The following COL5A2 variants were observed in gnomAD, a reference collection of about 807,000 sequenced individuals.
The protein encoded by COL5A2 is collagen alpha-2(V) chain.
A neutral mutation model predicts 208.2 loss-of-function variants in COL5A2; 23 were observed. The ratio of observed to expected loss-of-function variants is 0.11; its 90% CI spans 0.08 to 0.16. The LOEUF (loss-of-function observed/expected upper bound fraction) is 0.16, where lower values mean the gene tolerates loss of function less well. COL5A2 is among the 10% of genes least tolerant of loss of function. The pLI, the probability that COL5A2 is intolerant of heterozygous loss-of-function variation, is 1.00. For synonymous variants in COL5A2, 625 were observed against 628.5 expected, an observed-to-expected ratio of 0.99 and a Z score of 0.08; for missense variants, 1,590 against 1,956.4, an observed-to-expected ratio of 0.81 and a Z score of 3.53.
chr2:189,252,798 A>G, the COL5A2 span, among the ~76,000 whole-genome samples: 1 of 152,122 alleles, frequency 6.6e-6, no homozygotes, highest in Non-Finnish European at 1.5e-5. Context: ...TTTAAACATA[A>G]AAAATAAAAA....
chr2:189,152,313 C>T (rs559467616), intron 1 of COL5A2, among the ~76,000 whole-genome samples: 8 of 152,326 alleles, frequency 5.3e-5, no homozygotes, highest in Non-Finnish European at 7.3e-5. Context: ...AAGGTCAGCA[C>T]TCCATGCCTT....
Position 189,038,969 on chromosome 2 carries a change from G to A in COL5A2, c.3925+303C>T, listed in dbSNP as rs1374192785. On this transcript the variant is annotated intron_variant, in intron 51 of 53. Coordinates refer to ENST00000374866, the MANE Select transcript of COL5A2 (RefSeq NM_000393.5). ...CTCCCAAAGTGCTGGGATTACAGGC[G>A]TGAGACACCGCACCTGGCCTGTTTT... 1.9e-4 allele frequency among the ~76,000 whole-genome samples: 29 copies of A among 152,130 alleles called. 1 individual carries two copies. The highest frequency in any genetic ancestry group is 3.4e-3 in the Middle Eastern group (1 of 294).
intron 6 of COL5A2, among the ~76,000 whole-genome samples, chr2:189,093,488 G>A (rs1041729111): frequency 6.6e-5 from 10 of 152,132 alleles, no homozygotes; most frequent in African/African-American, 2.4e-4. Context: ...AAGCTCAGGT[G>A]GTGGAGGTGG....
At chr2:189,089,744 T>C (rs533951020) in intron 7 of COL5A2, among the ~76,000 whole-genome samples, 3 of 152,316 alleles carry the variant, frequency 2.0e-5, no homozygotes, top group African/African-American at 7.2e-5. Context: ...GTTCTTATTA[T>C]ATCTGTTATG....
upstream of COL5A2, among the ~76,000 whole-genome samples, chr2:189,184,372 G>A (rs567698712): frequency 6.6e-6 from 1 of 152,134 alleles, no homozygotes. Flanking sequence ...TTCTATTGCT[G>A]CCATAAAAAT....
intron 1 of COL5A2, among the ~76,000 whole-genome samples, chr2:189,179,191 T>C (rs1178161796): frequency 2.0e-5 from 3 of 152,174 alleles, no homozygotes; most frequent in East Asian, 1.9e-4. Context: ...CTAACTAAAA[T>C]GCCTTTAGTG....
the COL5A2 span, among the ~76,000 whole-genome samples, chr2:189,295,902 AT>A: frequency 1.1e-3 from 169 of 152,258 alleles, no homozygotes; most frequent in Non-Finnish European, 1.8e-3. Context: ...AAGACAGAAC[AT>A]TTTCATCATC....
At chr2:189,049,193 C>T (rs903553022) in intron 44 of COL5A2, among the ~76,000 whole-genome samples, 154 bp downstream of exon 44, 2 of 152,208 alleles carry the variant, frequency 1.3e-5, no homozygotes, top group Non-Finnish European at 2.9e-5. Context: ...ACTTAGCCAA[C>T]TCTCTAGGGA....
rs1686073341 is a variant in COL5A2, at chr2:189,063,201, T to C, written c.1840A>G (p.Met614Val). 1.9e-6 allele frequency: 3 copies of C among 1,614,040 alleles called. No individual in the cohort carries two copies. Among genetic ancestry groups the C allele is most frequent in the Admixed American group, 1.7e-5 (1 of 60,000 alleles). ...SIGIRGQPGS[M>V]GLPGPKGSSG... ...CTACCTTTGGGGCCTGGAAGGCCCATGCTCCCGGGCTGCCCTCTGATTCCT... is the reference window on the plus strand; with the variant it reads ...CTACCTTTGGGGCCTGGAAGGCCCACGCTCCCGGGCTGCCCTCTGATTCCT... Residue 614 changes from methionine to valine, a missense_variant, in exon 27 of 54, where the codon ATG becomes GTG. Met to Val is a conservative substitution (Grantham distance 21). Transcript: ENST00000374866.
At chr2:189,396,306 A>C in the COL5A2 span, among the ~76,000 whole-genome samples, 1 of 152,208 alleles carries the variant, frequency 6.6e-6, no homozygotes, top group Non-Finnish European at 1.5e-5. Context: ...AATCACTGGT[A>C]TAGTGAAAAG....
chr2:189,410,545 G>C, the COL5A2 span, among the ~76,000 whole-genome samples: 2 of 152,076 alleles, frequency 1.3e-5, no homozygotes, highest in South Asian at 2.1e-4. Flanking sequence ...TAGCCTGAGC[G>C]ACAGAGTGAC....
At chr2:189,410,571 A>G in the COL5A2 span, among the ~76,000 whole-genome samples, 1 of 152,146 alleles carries the variant, frequency 6.6e-6, no homozygotes, top group Non-Finnish European at 1.5e-5. Context: ...GTCTCTTAAA[A>G]AAAAAGACCA....
At chr2:189,165,088 A>G (rs1452103288) in intron 1 of COL5A2, among the ~76,000 whole-genome samples, 1 of 152,250 alleles carries the variant, frequency 6.6e-6, no homozygotes, top group South Asian at 2.1e-4. Flanking sequence ...TTTCTCAAAC[A>G]ACTCTACCAA....
chr2:189,132,383 C>A (rs934750032), intron 1 of COL5A2, among the ~76,000 whole-genome samples: 7 of 152,140 alleles, frequency 4.6e-5, no homozygotes, highest in Admixed American at 2.6e-4. Flanking sequence ...AGGAAATGAA[C>A]TTTGTGTATT....
the COL5A2 span, among the ~76,000 whole-genome samples, chr2:189,236,546 A>T: frequency 6.6e-6 from 1 of 151,822 alleles, no homozygotes; most frequent in East Asian, 1.9e-4. Context: ...TTGTCATTTT[A>T]GCCAGTCTGG....
the COL5A2 span, among the ~76,000 whole-genome samples, chr2:189,373,115 T>C: frequency 6.6e-6 from 1 of 152,220 alleles, no homozygotes; most frequent in Admixed American, 6.5e-5. Flanking sequence ...GATCATTTCA[T>C]GGCAAAATTC....
chr2:189,127,330 G>A (rs1024756833), intron 1 of COL5A2, among the ~76,000 whole-genome samples: 1 of 151,984 alleles, frequency 6.6e-6, no homozygotes, highest in Non-Finnish European at 1.5e-5. Flanking sequence ...GAGTGAGTAG[G>A]ATTTTGCCAA....
chr2:189,405,975 T>A, the COL5A2 span, among the ~76,000 whole-genome samples: 1 of 152,302 alleles, frequency 6.6e-6, no homozygotes, highest in South Asian at 2.1e-4. Context: ...TATGAGTAGG[T>A]TAGTTCTTTC....
chr2:189,326,570 G>A, the COL5A2 span, among the ~76,000 whole-genome samples: 2 of 152,002 alleles, frequency 1.3e-5, no homozygotes, highest in Non-Finnish European at 2.9e-5. Flanking sequence ...GTGCGCGCCT[G>A]TAGTCCCAGC....
Sources: allele counts gnomAD v4.1 joint callset (sites outside exome capture counted in the v4.1 genomes callset), GRCh38; gene constraint gnomAD v4.1.1; transcripts MANE v1.5; gene names NCBI Gene and HGNC (gene_info 2026-07-23, HGNC 2026-07-21).